COL26A1: variants seen among roughly 807,000 people sequenced by gnomAD.
The protein encoded by COL26A1 is collagen type XXVI alpha 1 chain.
A neutral mutation model predicts 59.3 loss-of-function variants in COL26A1; 41 were observed. The observed-to-expected ratio is 0.69, with a 90% CI of 0.54 to 0.90. The LOEUF is 0.90. Ranked by LOEUF, COL26A1 falls within the 40% of genes least tolerant of loss-of-function variation. COL26A1 has a pLI of 0.00. For synonymous variants in COL26A1, 266 were observed against 256.0 expected (o/e 1.04, Z -0.37); for missense variants, 612 against 602.3 (o/e 1.02, Z -0.17).
intron 2 of COL26A1, among the ~76,000 whole-genome samples, chr7:101,421,560 A>G (rs979916271): frequency 3.6e-4 from 54 of 152,082 alleles, no homozygotes; most frequent in Admixed American, 1.2e-3. Flanking sequence ...CTGCAATCCC[A>G]GCTACTGAGG....
At chr7:101,489,754 C>CCCTT (rs1209072096) in intron 3 of COL26A1, among the ~76,000 whole-genome samples, 1 of 47,474 alleles carries the variant, frequency 2.1e-5, no homozygotes, top group African/African-American at 1.8e-4. Context: ...TCTTTCTTGT[C>CCCTT]TCTCTTTCTT....
intron 3 of COL26A1, among the ~76,000 whole-genome samples, chr7:101,499,150 T>A (rs1794649409): frequency 1.3e-5 from 2 of 152,072 alleles, no homozygotes; most frequent in Non-Finnish European, 2.9e-5. Context: ...TTCGCGGGGA[T>A]CCCTGGCACT....
Position 101,539,971 on chromosome 7 carries a change from T to G in COL26A1, c.526T>G (p.Trp176Gly). 6.2e-7 allele frequency: 1 copy of G among 1,610,938 alleles called. No individual in the cohort carries two copies. Among genetic ancestry groups the G allele is most frequent in the East Asian group, 2.2e-5 (1 of 44,652 alleles). The change falls in exon 5 of 13, where the codon TGG (tryptophan) becomes GGG (glycine). Residue 176 changes from tryptophan to glycine, a missense_variant. Transcript: ENST00000313669. Reference protein sequence around the residue: ...LPAPESTPPTWNEDFLPDAIP... With the variant: ...LPAPESTPPTGNEDFLPDAIP... ...AGCCCCCGAGAGCACTCCGCCGACC[T>G]GGAATGAGGACTTCCTCCCCGACGC...
At chr7:101,525,743 A>G (rs11760789) in intron 3 of COL26A1, among the ~76,000 whole-genome samples, 12,053 of 149,296 alleles carry the variant, frequency 0.081, 553 homozygotes, top group South Asian at 0.11. Context: ...TGATCCGCCC[A>G]CCTTGGCCTC....
At chr7:101,363,852 C>T (rs962498932) in intron 1 of COL26A1, among the ~76,000 whole-genome samples, 7 of 152,202 alleles carry the variant, frequency 4.6e-5, no homozygotes, top group Admixed American at 6.5e-5. Flanking sequence ...CTTTGTGTCG[C>T]GGAGCAGGTT....
chr7:101,455,567 A>G (rs1168734152), intron 3 of COL26A1, among the ~76,000 whole-genome samples: 1 of 147,462 alleles, frequency 6.8e-6, no homozygotes, highest in African/African-American at 2.5e-5. Context: ...CAATGGTGCA[A>G]TCTCAGCTCA....
chr7:101,518,475 C>T (rs775073960), intron 3 of COL26A1, among the ~76,000 whole-genome samples: 21 of 152,296 alleles, frequency 1.4e-4, no homozygotes, highest in African/African-American at 4.6e-4. Flanking sequence ...GCAATGGCAG[C>T]GCCAACTCCC....
intron 1 of COL26A1, among the ~76,000 whole-genome samples, chr7:101,419,002 C>T (rs1792443526): frequency 6.6e-6 from 1 of 151,334 alleles, no homozygotes; most frequent in African/African-American, 2.4e-5. Context: ...CTTTCTCTCT[C>T]TCTCTCTCTC....
At chr7:101,548,275 G>A (rs1388545061) in intron 8 of COL26A1, among the ~76,000 whole-genome samples, 1 of 152,130 alleles carries the variant, frequency 6.6e-6, no homozygotes, top group Non-Finnish European at 1.5e-5. Context: ...ACCACAGGGA[G>A]GGATCATGAG....
intron 2 of COL26A1, among the ~76,000 whole-genome samples, chr7:101,425,115 G>A (rs1792613847): frequency 1.3e-5 from 2 of 151,748 alleles, no homozygotes; most frequent in Admixed American, 1.3e-4. Flanking sequence ...GGCCAGGCGC[G>A]GTGGCTCATG....
intron 1 of COL26A1, among the ~76,000 whole-genome samples, chr7:101,390,640 G>A (rs907362206): frequency 6.6e-6 from 1 of 152,070 alleles, no homozygotes; most frequent in East Asian, 1.9e-4. Flanking sequence ...GTCCAGGCTG[G>A]TCTCAAACTC....
intron 1 of COL26A1, among the ~76,000 whole-genome samples, chr7:101,404,503 TCAC>T (rs1792083264): frequency 1.3e-5 from 2 of 152,182 alleles, no homozygotes; most frequent in African/African-American, 4.8e-5. Context: ...AAGTAGCAGT[TCAC>T]CTTCCCAGGG....
chr7:101,431,608 T>A (rs1792781898), intron 2 of COL26A1, among the ~76,000 whole-genome samples: 1 of 152,096 alleles, frequency 6.6e-6, no homozygotes. Flanking sequence ...GTTTTCCTCT[T>A]ACTATTTTTC....
chr7:101,455,858 G>A (rs149690817), intron 3 of COL26A1, among the ~76,000 whole-genome samples: 99 of 151,874 alleles, frequency 6.5e-4, no homozygotes, highest in African/African-American at 2.3e-3. Context: ...AATATGTTTT[G>A]TATTTTTAGT....
intron 2 of COL26A1, among the ~76,000 whole-genome samples, chr7:101,424,476 T>A (rs1792597445): frequency 6.6e-6 from 1 of 151,940 alleles, no homozygotes; most frequent in Non-Finnish European, 1.5e-5. Context: ...TGCACACCTG[T>A]AATCCCAGCT....
chr7:101,418,491 C>T (rs1236204617), intron 1 of COL26A1, among the ~76,000 whole-genome samples: 1 of 151,808 alleles, frequency 6.6e-6, no homozygotes, highest in Non-Finnish European at 1.5e-5. Context: ...TATTTTTAGA[C>T]AGGGTCTCGC....
chr7:101,539,771 G>A, intron 4 of COL26A1, 122 bp from the exon 5 acceptor site: 1 of 992,472 alleles, frequency 1.0e-6, no homozygotes, highest in Non-Finnish European at 1.4e-6. Flanking sequence ...GAGCGTGACG[G>A]GGCACACACA....
chr7:101,514,511 A>G (rs531768493), intron 3 of COL26A1, among the ~76,000 whole-genome samples: 4 of 152,262 alleles, frequency 2.6e-5, no homozygotes, highest in African/African-American at 9.6e-5. Context: ...GTTGTCCCCA[A>G]CAACCCTATT....
intron 10 of COL26A1, among the ~76,000 whole-genome samples, chr7:101,552,571 C>T (rs889366085): frequency 1.2e-4 from 18 of 152,034 alleles, no homozygotes; most frequent in African/African-American, 3.4e-4. Flanking sequence ...GAGCCATGAT[C>T]GCGTCACTAT....
Sources: gnomAD v4.1 joint callset for allele counts (sites outside exome capture counted in the v4.1 genomes callset) on GRCh38, gnomAD v4.1.1 for gene constraint, MANE v1.5 for transcripts, NCBI Gene and HGNC (gene_info 2026-07-23, HGNC 2026-07-21) for gene names.